The following CDH13 variants were observed in gnomAD, a reference collection of about 807,000 sequenced individuals.
CDH13 encodes cadherin 13, also known as cadherin-13.
Under a neutral mutation model 63.8 loss-of-function variants are expected in CDH13, and 24 were observed. That is an observed-to-expected ratio of 0.38 (90% CI 0.27 to 0.53). CDH13 has a LOEUF of 0.53. CDH13 is among the 20% of genes least tolerant of loss of function. The pLI is 0.85. For missense variants in CDH13, 1,049 were observed against 903.1 expected (o/e 1.16, Z -2.07); for synonymous variants, 503 against 355.3 (o/e 1.42, Z -4.67).
At chr16:82,783,024 C>G (rs1022060135) in intron 1 of CDH13, among the ~76,000 whole-genome samples, 1 of 152,176 alleles carries the variant, frequency 6.6e-6, no homozygotes, top group Non-Finnish European at 1.5e-5. Context: ...GGACCCACAG[C>G]GTCTCCTTCC....
At chr16:83,197,754 C>G (rs1274712200) in intron 4 of CDH13, among the ~76,000 whole-genome samples, 3 of 151,670 alleles carry the variant, frequency 2.0e-5, no homozygotes, top group Non-Finnish European at 4.4e-5. Context: ...CTGCAAAAAA[C>G]TAAATACACA....
intron 6 of CDH13, among the ~76,000 whole-genome samples, chr16:83,360,825 A>G (rs1224740449): frequency 2.0e-5 from 3 of 152,142 alleles, no homozygotes; most frequent in Admixed American, 6.5e-5. Flanking sequence ...TCTGTGGTGT[A>G]TGTGTACATT....
chr16:83,253,310 C>T (rs1294559412), intron 5 of CDH13, among the ~76,000 whole-genome samples: 3 of 152,128 alleles, frequency 2.0e-5, no homozygotes, highest in East Asian at 3.9e-4. Context: ...TGACATTAGT[C>T]GCACCTGCAG....
intron 7 of CDH13, among the ~76,000 whole-genome samples, chr16:83,492,971 A>G (rs1399109825): frequency 6.6e-6 from 1 of 152,174 alleles, no homozygotes; most frequent in Non-Finnish European, 1.5e-5. Flanking sequence ...CTGGCTTCAG[A>G]GAAATGGGCC....
At chr16:82,828,668 A>G (rs919372688) in intron 1 of CDH13, among the ~76,000 whole-genome samples, 11 of 151,490 alleles carry the variant, frequency 7.3e-5, no homozygotes, top group Non-Finnish European at 1.5e-4. Context: ...GTGTGTGTAT[A>G]TATATATATG....
At chr16:83,243,607 G>A (rs1003589824) in intron 5 of CDH13, among the ~76,000 whole-genome samples, 1 of 152,086 alleles carries the variant, frequency 6.6e-6, no homozygotes, top group Admixed American at 6.5e-5. Context: ...GATTCACTTG[G>A]CAATTTTTGT....
At chr16:82,639,354 G>C (rs1026049645) in intron 1 of CDH13, 64 of 1,533,152 alleles carry the variant, frequency 4.2e-5, no homozygotes, top group Non-Finnish European at 5.2e-5. Flanking sequence ...CCTTGCTTTT[G>C]ACCAGGGCCA....
intron 8 of CDH13, among the ~76,000 whole-genome samples, chr16:83,661,391 A>G (rs1913429198): frequency 6.6e-6 from 1 of 152,070 alleles, no homozygotes; most frequent in African/African-American, 2.4e-5. Flanking sequence ...GCTGAGGCAC[A>G]AGGATCACTT....
intron 4 of CDH13, among the ~76,000 whole-genome samples, chr16:83,183,723 G>A (rs1259379795): frequency 6.6e-6 from 1 of 152,188 alleles, no homozygotes; most frequent in East Asian, 1.9e-4. Context: ...TGCTTTATAT[G>A]GAAGTCTTGG....
At chr16:83,456,809 A>G (rs1289134746) in intron 6 of CDH13, among the ~76,000 whole-genome samples, 2 of 152,160 alleles carry the variant, frequency 1.3e-5, no homozygotes, top group African/African-American at 4.8e-5. Flanking sequence ...TAAAAATACA[A>G]AAATTAGCCA....
chr16:82,925,452 G>A (rs2042273837), intron 2 of CDH13, among the ~76,000 whole-genome samples: 1 of 152,200 alleles, frequency 6.6e-6, no homozygotes, highest in South Asian at 2.1e-4. Flanking sequence ...CCAGCTTTAT[G>A]TCAATCAGCA....
At chr16:83,581,372 A>G (rs1905581584) in intron 7 of CDH13, among the ~76,000 whole-genome samples, 1 of 152,236 alleles carries the variant, frequency 6.6e-6, no homozygotes, top group South Asian at 2.1e-4. Context: ...TTAATATTTC[A>G]GACTTAAATA....
chr16:83,217,529 C>T (rs754757834), intron 5 of CDH13, 32 bp downstream of exon 5: 27 of 1,594,168 alleles, frequency 1.7e-5, no homozygotes, highest in African/African-American at 2.7e-5. Flanking sequence ...CCACCCTGTG[C>T]GCAGAAATGT....
intron 2 of CDH13, among the ~76,000 whole-genome samples, chr16:82,944,203 C>G (rs979584183): frequency 1.6e-4 from 25 of 152,298 alleles, no homozygotes; most frequent in African/African-American, 5.3e-4. Flanking sequence ...GATTAACGGA[C>G]TGTGGAAGGG....
chr16:83,485,721 C>A (rs941039280), intron 6 of CDH13, among the ~76,000 whole-genome samples: 13 of 152,066 alleles, frequency 8.5e-5, no homozygotes, highest in Non-Finnish European at 1.3e-4. Flanking sequence ...CCTGATAAGT[C>A]TTATTGTTTG....
chr16:83,604,260 G>C (rs2150753485), intron 8 of CDH13, among the ~76,000 whole-genome samples: 1 of 152,212 alleles, frequency 6.6e-6, no homozygotes, highest in East Asian at 1.9e-4. Flanking sequence ...AGCTTGATTT[G>C]CTCCATTCTC....
At chr16:82,982,688 G>A (rs1264218058) in intron 2 of CDH13, among the ~76,000 whole-genome samples, 2 of 152,178 alleles carry the variant, frequency 1.3e-5, no homozygotes, top group Non-Finnish European at 2.9e-5. Context: ...CACCAACCTA[G>A]TAGTTGCAGG....
intron 7 of CDH13, among the ~76,000 whole-genome samples, chr16:83,507,644 T>G (rs2074433437): frequency 6.6e-6 from 1 of 152,236 alleles, no homozygotes. Context: ...CATAGCACCC[T>G]GAATTGCCTG....
At chr16:82,840,985 A>G (rs1483121384) in intron 1 of CDH13, among the ~76,000 whole-genome samples, 1 of 152,234 alleles carries the variant, frequency 6.6e-6, no homozygotes, top group Non-Finnish European at 1.5e-5. Flanking sequence ...CATAAGTACA[A>G]ACCAAAAATC....
Sources: gnomAD v4.1 joint callset for allele counts (sites outside exome capture counted in the v4.1 genomes callset) on GRCh38, gnomAD v4.1.1 for gene constraint, MANE v1.5 for transcripts, NCBI Gene and HGNC (gene_info 2026-07-23, HGNC 2026-07-21) for gene names.